The following ANK3 variants were observed in gnomAD, a reference collection of about 807,000 sequenced individuals.
ANK3 encodes the protein ankyrin 3.
In ANK3, 57 loss-of-function variants were observed where a neutral mutation model predicts 370.9. That is an observed-to-expected ratio of 0.15 (90% CI 0.12 to 0.19). The LOEUF (loss-of-function observed/expected upper bound fraction) is 0.19, where lower values mean the gene tolerates loss of function less well. Among genes scored for constraint, ANK3 ranks in the 10% least tolerant of loss-of-function variants. The pLI, the probability that ANK3 is intolerant of heterozygous loss-of-function variation, is 1.00. For missense variants in ANK3, 4,439 were observed against 5,302.1 expected (o/e 0.84, Z 5.06); for synonymous variants, 1,929 against 1,946.3 (o/e 0.99, Z 0.23).
chr10:60,467,551 G>A (rs2065038746), intron 2 of ANK3, among the ~76,000 whole-genome samples: 1 of 152,056 alleles, frequency 6.6e-6, no homozygotes, highest in African/African-American at 2.4e-5. Flanking sequence ...TGTTAATAGA[G>A]GCATATTTAG....
Position 60,267,641 on chromosome 10 carries a change from AGT to A in ANK3, c.513+2488_513+2489del, listed in dbSNP as rs760515933. The stretch of plus-strand genomic sequence containing the variant: ...TTTTGGGGCCTTGAAAACTTTAAAA[AGT>A]ACTAGAGAGCTCTGAGAGTTACTGG... On this transcript the variant is annotated intron_variant, in intron 5 of 43. Coordinates refer to ENST00000280772, the MANE Select transcript of ANK3 (RefSeq NM_020987.5). Among the ~76,000 whole-genome samples the A allele has an allele frequency of 3.0e-4, 45 of 152,328 alleles. 2 individuals carry two copies. The highest frequency in any genetic ancestry group is 1.4e-3 in the Admixed American group (22 of 15,300).
intron 2 of ANK3, among the ~76,000 whole-genome samples, chr10:60,513,838 C>T (rs2076149350): frequency 6.6e-6 from 1 of 152,102 alleles, no homozygotes; most frequent in African/African-American, 2.4e-5. Flanking sequence ...TACATATAAA[C>T]AATTGAACCC....
chr10:60,472,683 G>A (rs1016465818), intron 2 of ANK3, among the ~76,000 whole-genome samples: 2 of 152,044 alleles, frequency 1.3e-5, no homozygotes, highest in African/African-American at 2.4e-5. Context: ...TTGTTACTTT[G>A]TCAACAGAGA....
chr10:60,265,918 C>T (rs149971903), intron 5 of ANK3, among the ~76,000 whole-genome samples: 1 of 152,158 alleles, frequency 6.6e-6, no homozygotes, highest in Non-Finnish European at 1.5e-5. Context: ...AGACTTCACT[C>T]TCCTCTGACA....
chr10:60,217,529 T>C (rs1056037955), intron 8 of ANK3, among the ~76,000 whole-genome samples: 3 of 152,202 alleles, frequency 2.0e-5, no homozygotes, highest in Non-Finnish European at 4.4e-5. Flanking sequence ...CCAGGAGTCA[T>C]TCAGGAGCAG....
rs11282162 is a variant in ANK3 at position 60,240,306 on chromosome 10, A to ATATATATATTTTTT, written c.799-5521_799-5520insAAAAAATATATATA. 2.3e-3 allele frequency among the ~76,000 whole-genome samples: 280 copies of ATATATATATTTTTT among 119,742 alleles called. 10 individuals carry two copies. Among genetic ancestry groups the ATATATATATTTTTT allele is most frequent in the Non-Finnish European group, 4.1e-3 (238 of 58,526 alleles). The allele number at this position is 119,742 out of a possible 152,430, so 78.6% of individuals were successfully genotyped here. The stretch of plus-strand genomic sequence containing the variant: ...CATATATATATATATATATATATAT[A>ATATATATATTTTTT]TTTTTTTTTCTTTTTGAGATAGAGT... On this transcript the variant is annotated intron_variant, in intron 7 of 43. Coordinates refer to ENST00000280772, the MANE Select transcript of ANK3 (RefSeq NM_020987.5).
At chr10:60,032,082 A>ATAATGTTAC (rs1469964162) in intron 43 of ANK3, among the ~76,000 whole-genome samples, 2 of 151,280 alleles carry the variant, frequency 1.3e-5, no homozygotes, top group African/African-American at 2.4e-5. Flanking sequence ...TGGTCCTATG[A>ATAATGTTAC]TAATGTTACT....
At chr10:60,422,280 T>C (rs1476500814) in intron 2 of ANK3, among the ~76,000 whole-genome samples, 1 of 152,128 alleles carries the variant, frequency 6.6e-6, no homozygotes, top group East Asian at 1.9e-4. Context: ...CATTCTTCCA[T>C]TAACTTATTC....
intron 1 of ANK3, among the ~76,000 whole-genome samples, chr10:60,657,016 T>C (rs879307498): frequency 3.3e-5 from 5 of 152,152 alleles, no homozygotes; most frequent in Non-Finnish European, 7.4e-5. Context: ...CTGGGCAATT[T>C]ACAAAAGAAA....
In ANK3 at chr10:60,437,383, CAAGA is replaced by C. The variant is rs1214019695; in HGVS notation, c.97-157748_97-157745del. Among the ~76,000 whole-genome samples, 3 of 152,266 alleles carry C rather than the reference CAAGA, an allele frequency of 2.0e-5. No individual in the cohort carries two copies. The East Asian group carries it at 5.8e-4, about 29-fold the overall frequency. On this transcript the variant is annotated intron_variant, in intron 2 of 43. Transcript: ENST00000373827. ...AAGACACTTCAAAGAAGAAAAGATA[CAAGA>C]AAGACCTTTAGCATGTCCTTAACTC...
chr10:60,353,549 A>C (rs944065504), intron 1 of ANK3, among the ~76,000 whole-genome samples: 2 of 151,976 alleles, frequency 1.3e-5, no homozygotes, highest in African/African-American at 2.4e-5. Flanking sequence ...AACTGAGCCT[A>C]CTCTCCTGTG....
intron 2 of ANK3, among the ~76,000 whole-genome samples, chr10:60,497,164 T>C (rs1233370919): frequency 2.0e-5 from 3 of 151,602 alleles, no homozygotes; most frequent in Non-Finnish European, 2.9e-5. Context: ...ATCAACCAGG[T>C]GTGGTGGCAT....
At chr10:60,690,450 T>C (rs953612748) in intron 1 of ANK3, among the ~76,000 whole-genome samples, 4 of 152,216 alleles carry the variant, frequency 2.6e-5, no homozygotes, top group Non-Finnish European at 5.9e-5. Flanking sequence ...TTCTTATTTG[T>C]ACTGTTACAG....
chr10:60,544,691 T>G (rs2076922087), intron 2 of ANK3, among the ~76,000 whole-genome samples: 2 of 152,110 alleles, frequency 1.3e-5, no homozygotes, highest in Admixed American at 1.3e-4. Context: ...TAATGTAAAA[T>G]TAGTAAGTTC....
In ANK3 at chr10:60,389,398, G is replaced by A. The variant is rs372304874; in HGVS notation, c.114+27C>T. 89 of 1,597,486 alleles carry A rather than the reference G, an allele frequency of 5.6e-5. 1 individual carries two copies. In the Middle Eastern group the frequency reaches 8.4e-4, roughly 15 times the overall value. On this transcript the variant is annotated intron_variant, in intron 1 of 43. Transcript: ENST00000280772. ...ATTAAAACAAAAAGAATCCAGGCAA[G>A]ATATATGCTCTGGCATACATAGATA...
At chr10:60,095,811 A>G (rs1294450238) in intron 28 of ANK3, among the ~76,000 whole-genome samples, 1 of 152,250 alleles carries the variant, frequency 6.6e-6, no homozygotes, top group African/African-American at 2.4e-5. Context: ...ATGAACATTT[A>G]CACAAAATGA....
At chr10:60,509,121 C>T (rs1243449073) in intron 2 of ANK3, among the ~76,000 whole-genome samples, 1 of 152,082 alleles carries the variant, frequency 6.6e-6, no homozygotes, top group Admixed American at 6.6e-5. Flanking sequence ...TGTTCACTAC[C>T]CTGCAGTTTT....
intron 1 of ANK3, among the ~76,000 whole-genome samples, chr10:60,388,616 C>G (rs1003769517): frequency 1.2e-4 from 18 of 152,140 alleles, no homozygotes; most frequent in Non-Finnish European, 2.4e-4. Context: ...TCTAAGTACT[C>G]ACGGGCTATA....
chr10:60,180,615 C>CAAA lies in ANK3; in HGVS notation c.2184+711_2184+713dup, dbSNP rs990463587. ...GTCTCAAAAAAAAAAAAAAAAAAAC[C>CAAA]AAAAAAAAAACATGTTAGAGTAGAT... On this transcript the variant is annotated intron_variant, in intron 18 of 43. Transcript: ENST00000280772. Among the ~76,000 whole-genome samples, 621 of 106,062 alleles carry CAAA rather than the reference C, an allele frequency of 5.9e-3. 9 individuals carry two copies. Among genetic ancestry groups the CAAA allele is most frequent in the African/African-American group, 0.019 (549 of 28,540 alleles). The allele number at this position is 106,062 out of a possible 152,430, so 69.6% of individuals were successfully genotyped here.
Sources: gnomAD v4.1 joint callset for allele counts (sites outside exome capture counted in the v4.1 genomes callset) on GRCh38, gnomAD v4.1.1 for gene constraint, MANE v1.5 for transcripts, NCBI Gene and HGNC (gene_info 2026-07-23, HGNC 2026-07-21) for gene names.